Variants in ZCCHC7 observed in about 807,000 individuals in gnomAD.
The protein encoded by ZCCHC7 is zinc finger CCHC-type containing 7.
ZCCHC7 carries 35 observed loss-of-function variants against 52.0 expected under a neutral mutation model. The ratio of observed to expected loss-of-function variants is 0.67; its 90% CI spans 0.51 to 0.89. ZCCHC7 has a LOEUF of 0.89. Ranked by LOEUF, ZCCHC7 falls within the 40% of genes least tolerant of loss-of-function variation. The probability of loss-of-function intolerance (pLI) is 0.00; values close to 1 mark genes in which losing one functional copy is unlikely to be tolerated. For synonymous variants in ZCCHC7, 217 were observed against 221.5 expected (o/e 0.98, Z 0.18); for missense variants, 574 against 649.1 (o/e 0.88, Z 1.26).
chr9:37,261,394 A>G (rs1826860985), intron 2 of ZCCHC7, among the ~76,000 whole-genome samples: 1 of 152,196 alleles, frequency 6.6e-6, no homozygotes. Context: ...CAGCATTTCT[A>G]TGCTGTAAAA....
At chr9:37,140,679 TACCAC>T (rs1207731074) in intron 2 of ZCCHC7, among the ~76,000 whole-genome samples, 3 of 152,004 alleles carry the variant, frequency 2.0e-5, no homozygotes, top group African/African-American at 7.2e-5. Flanking sequence ...GTAAGTGTTG[TACCAC>T]AGGTCATCTA....
chr9:37,336,452 G>A (rs1411680069), intron 6 of ZCCHC7, among the ~76,000 whole-genome samples: 1 of 152,092 alleles, frequency 6.6e-6, no homozygotes, highest in Non-Finnish European at 1.5e-5. Flanking sequence ...CTTTGTGATC[G>A]ATGGTTAAGA....
At chr9:37,275,824 A>T (rs997514074) in intron 2 of ZCCHC7, among the ~76,000 whole-genome samples, 25 of 151,822 alleles carry the variant, frequency 1.6e-4, no homozygotes, top group African/African-American at 5.6e-4. Flanking sequence ...TTTTATTTTT[A>T]TTTTTAGTAG....
chr9:37,161,418 C>CA (rs1219119337), intron 2 of ZCCHC7, among the ~76,000 whole-genome samples: 1 of 151,686 alleles, frequency 6.6e-6, no homozygotes, highest in Non-Finnish European at 1.5e-5. Context: ...ACTAAAAATA[C>CA]AAAAAAATTA....
chr9:37,325,973 G>GTTT (rs879689362), intron 5 of ZCCHC7: 1 of 152,174 alleles, frequency 6.6e-6, no homozygotes, highest in Non-Finnish European at 1.5e-5. Flanking sequence ...ACAAGAAAAG[G>GTTT]TCACATGGTA....
intron 2 of ZCCHC7, chr9:37,284,055 C>T (rs144002743): frequency 6.6e-6 from 1 of 152,132 alleles, no homozygotes; most frequent in Non-Finnish European, 1.5e-5. Flanking sequence ...GAAGGAAATC[C>T]CATTGATGGG....
chr9:37,284,356 T>A (rs1828111686), intron 2 of ZCCHC7: 2 of 152,222 alleles, frequency 1.3e-5, no homozygotes, highest in African/African-American at 2.4e-5. Context: ...GTTTTATTTC[T>A]CTGTGTATAT....
intron 2 of ZCCHC7, among the ~76,000 whole-genome samples, chr9:37,132,941 A>C (rs568794403): frequency 6.6e-6 from 1 of 152,212 alleles, no homozygotes; most frequent in African/African-American, 2.4e-5. Flanking sequence ...GTTCGAGACT[A>C]GCCTGACCAA....
chr9:37,160,927 AG>A (rs1821066012), intron 2 of ZCCHC7, among the ~76,000 whole-genome samples: 1 of 151,828 alleles, frequency 6.6e-6, no homozygotes, highest in Admixed American at 6.6e-5. Flanking sequence ...TCTCTACCAC[AG>A]ATGTATGCAG....
chr9:37,176,629 CTG>C (rs1822046650), intron 2 of ZCCHC7, among the ~76,000 whole-genome samples: 2 of 151,564 alleles, frequency 1.3e-5, no homozygotes, highest in South Asian at 4.1e-4. Flanking sequence ...ATATGCATAA[CTG>C]AATTAAATAT....
At chr9:37,330,349 T>C (rs1830406032) in intron 6 of ZCCHC7, among the ~76,000 whole-genome samples, 1 of 151,756 alleles carries the variant, frequency 6.6e-6, no homozygotes. Context: ...ATAATAGCTT[T>C]TTAATCAGCT....
At chr9:37,214,830 C>G (rs1363598676) in intron 2 of ZCCHC7, among the ~76,000 whole-genome samples, 2 of 151,936 alleles carry the variant, frequency 1.3e-5, no homozygotes, top group Non-Finnish European at 2.9e-5. Flanking sequence ...AGCTCAATTT[C>G]AAGTCATATA....
chr9:37,175,226 A>G (rs1821954092), intron 2 of ZCCHC7, among the ~76,000 whole-genome samples: 1 of 152,264 alleles, frequency 6.6e-6, no homozygotes, highest in South Asian at 2.1e-4. Flanking sequence ...AAATACCTTA[A>G]TTATTTAAAG....
At chr9:37,298,324 A>G (rs1828879901) in intron 2 of ZCCHC7, among the ~76,000 whole-genome samples, 1 of 152,226 alleles carries the variant, frequency 6.6e-6, no homozygotes, top group Non-Finnish European at 1.5e-5. Context: ...CCAACCTCCA[A>G]CATTGGGGAT....
At chr9:37,349,063 C>G (rs1034537162) in intron 6 of ZCCHC7, among the ~76,000 whole-genome samples, 1 of 152,174 alleles carries the variant, frequency 6.6e-6, no homozygotes, top group South Asian at 2.1e-4. Flanking sequence ...GTATATGCCT[C>G]TCATGTTCTG....
At chr9:37,159,523 G>A (rs2132887636) in intron 2 of ZCCHC7, among the ~76,000 whole-genome samples, 1 of 152,282 alleles carries the variant, frequency 6.6e-6, no homozygotes, top group African/African-American at 2.4e-5. Context: ...GACAAACTGA[G>A]AACCTTTTGA....
intron 2 of ZCCHC7, among the ~76,000 whole-genome samples, chr9:37,248,856 T>G (rs1331620752): frequency 6.6e-6 from 1 of 152,238 alleles, no homozygotes; most frequent in African/African-American, 2.4e-5. Flanking sequence ...TCCACCAGCC[T>G]TCAAAGCCAG....
chr9:37,241,175 AT>A (rs1056082842), intron 2 of ZCCHC7, among the ~76,000 whole-genome samples: 35 of 151,874 alleles, frequency 2.3e-4, no homozygotes, highest in African/African-American at 8.4e-4. Context: ...TTTGCTTATA[AT>A]ATGCCAAACC....
intron 1 of ZCCHC7, among the ~76,000 whole-genome samples, chr9:37,124,731 A>G (rs1842467970): frequency 6.6e-6 from 1 of 152,278 alleles, no homozygotes; most frequent in Non-Finnish European, 1.5e-5. Context: ...TGCTCACAGT[A>G]GAAAGTAAAG....
Sources: allele counts gnomAD v4.1 joint callset (sites outside exome capture counted in the v4.1 genomes callset), GRCh38; gene constraint gnomAD v4.1.1; transcripts MANE v1.5; gene names NCBI Gene and HGNC (gene_info 2026-07-23, HGNC 2026-07-21).